MCC: variants seen among roughly 807,000 people sequenced by gnomAD.
MCC encodes the protein colorectal mutant cancer protein.
A neutral mutation model predicts 116.2 loss-of-function variants in MCC; 90 were observed. That is an observed-to-expected ratio of 0.77 (90% confidence interval 0.65 to 0.92). The LOEUF (loss-of-function observed/expected upper bound fraction) is 0.92, where lower values mean the gene tolerates loss of function less well. Among genes scored for constraint, MCC ranks in the 40% least tolerant of loss-of-function variants. The pLI is 0.00. For synonymous variants in MCC, 578 were observed against 510.5 expected (o/e 1.13, Z -1.78); for missense variants, 1,516 against 1,312.2 (o/e 1.16, Z -2.40).
At chr5:113,406,363 C>T (rs1350141350) in intron 1 of MCC, among the ~76,000 whole-genome samples, 1 of 152,182 alleles carries the variant, frequency 6.6e-6, no homozygotes, top group Non-Finnish European at 1.5e-5. Flanking sequence ...AAGGCAGTCA[C>T]AAATTCACTT....
intron 3 of MCC, among the ~76,000 whole-genome samples, chr5:113,244,764 A>G (rs982536219): frequency 6.6e-6 from 1 of 152,252 alleles, no homozygotes; most frequent in African/African-American, 2.4e-5. Context: ...GTGCTTCCCT[A>G]AAGTAATTAA....
chr5:113,484,585 A>C lies in MCC; in HGVS notation c.170+3660T>G, dbSNP rs563240593. ...AAGTTGTAAAGGGCACTTTGAAAGA[A>C]AGCAATCAGTACTATGATGGACAAT... On this transcript the variant is annotated intron_variant, in intron 1 of 18. Transcript: ENST00000408903. 3.9e-5 allele frequency among the ~76,000 whole-genome samples: 6 copies of C among 152,346 alleles called. No individual in the cohort carries two copies. In the East Asian group the frequency reaches 1.2e-3, roughly 29 times the overall value.
In MCC at chr5:113,023,044, A is replaced by G. The variant is rs774919753; in HGVS notation, c.*4258T>C. On this transcript the variant is annotated 3_prime_UTR_variant, in exon 19 of 19. Coordinates refer to ENST00000408903, the MANE Select transcript of MCC (RefSeq NM_001085377.2). ...ATGAACAGCTGCTATCAACTTGTATACTTTTTTTCCACTTGTTTATATTTT... is the reference window on the plus strand; with the variant it reads ...ATGAACAGCTGCTATCAACTTGTATGCTTTTTTTCCACTTGTTTATATTTT... 1 of 152,196 alleles carries G rather than the reference A, an allele frequency of 6.6e-6. No individual in the cohort carries two copies. The highest frequency in any genetic ancestry group is 6.5e-5 in the Admixed American group (1 of 15,282). The allele number at this position is 152,196 out of a possible 1,614,324, so 9.4% of individuals were successfully genotyped here. A position where few individuals can be genotyped will look rare whatever the true frequency, so the allele number is the denominator to read the frequency against.
intron 3 of MCC, among the ~76,000 whole-genome samples, chr5:113,323,920 G>C (rs1454769084): frequency 6.6e-6 from 1 of 152,208 alleles, no homozygotes; most frequent in African/African-American, 2.4e-5. Flanking sequence ...CACTTGGGCT[G>C]TAGTGTGGAA....
chr5:113,290,257 T>A (rs1455817763), intron 3 of MCC, among the ~76,000 whole-genome samples: 1 of 152,204 alleles, frequency 6.6e-6, no homozygotes. Flanking sequence ...ATGATTTGAA[T>A]GAAGATCTAA....
At chr5:113,119,110 G>A (rs192593078) in intron 6 of MCC, among the ~76,000 whole-genome samples, 1 of 152,344 alleles carries the variant, frequency 6.6e-6, no homozygotes, top group African/African-American at 2.4e-5. Context: ...TTGGGATGGG[G>A]TTCTTTCACT....
chr5:113,137,706 A>G lies in MCC; in HGVS notation c.884+5512T>C, dbSNP rs574945208. On this transcript the variant is annotated intron_variant, in intron 5 of 18. Transcript: ENST00000408903. ...TGTCTGCGTTTGGTATCAGGGTAACAGAAGCAACAACTTTTTAAGTGGATT... is the reference window on the plus strand; with the variant it reads ...TGTCTGCGTTTGGTATCAGGGTAACGGAAGCAACAACTTTTTAAGTGGATT... Among the ~76,000 whole-genome samples the G allele has an allele frequency of 7.2e-5, 11 of 152,284 alleles. 1 individual carries two copies. In the South Asian group the frequency reaches 2.3e-3, roughly 32 times the overall value.
At chr5:113,059,427 C>T (rs1363275093) in intron 14 of MCC, among the ~76,000 whole-genome samples, 1 of 152,186 alleles carries the variant, frequency 6.6e-6, no homozygotes, top group Non-Finnish European at 1.5e-5. Flanking sequence ...GACAAAGGCG[C>T]TGGCGGTCTC....
rs559361178 is a variant in MCC, at chr5:113,125,835, T to C, written c.885-3009A>G. Among the ~76,000 whole-genome samples, 34 of 152,308 alleles carry C rather than the reference T, an allele frequency of 2.2e-4. 1 individual carries two copies. The South Asian group carries it at 6.8e-3, about 31-fold the overall frequency. On this transcript the variant is annotated intron_variant, in intron 5 of 18. Coordinates refer to ENST00000408903, the MANE Select transcript of MCC (RefSeq NM_001085377.2). The stretch of plus-strand genomic sequence containing the variant: ...CTCAAGATGACTTCTGTTTGTTGTA[T>C]ATACAGGCATTCTTCTCAAGCAATA...
At chr5:113,040,642 C>T (rs1751642552) in intron 17 of MCC, among the ~76,000 whole-genome samples, 1 of 152,150 alleles carries the variant, frequency 6.6e-6, no homozygotes, top group Non-Finnish European at 1.5e-5. Context: ...CAAACCCAAA[C>T]TGCAGCCCTG....
chr5:113,037,944 C>T (rs1295886884), intron 17 of MCC, among the ~76,000 whole-genome samples: 1 of 152,246 alleles, frequency 6.6e-6, no homozygotes, highest in East Asian at 1.9e-4. Context: ...TGCCAAGGCA[C>T]TGAAGGTGCT....
chr5:113,279,895 T>C (rs1765970647), intron 3 of MCC, among the ~76,000 whole-genome samples: 1 of 152,264 alleles, frequency 6.6e-6, no homozygotes, highest in African/African-American at 2.4e-5. Flanking sequence ...AAGGGAATAC[T>C]TGCAAAATGA....
rs1763372250 is a variant in MCC at position 113,217,577 on chromosome 5, C to A, written c.628-66155G>T. 2.6e-5 allele frequency among the ~76,000 whole-genome samples: 4 copies of A among 152,070 alleles called. No homozygotes were observed. In the South Asian group the frequency reaches 8.3e-4, roughly 32 times the overall value. On this transcript the variant is annotated intron_variant, in intron 3 of 18. Transcript: ENST00000408903. ...CAGGGAGTAATACCAACACATTTAG[C>A]AAAAAGTAAAAAACAGATCCCACTC...
At chr5:113,295,892 C>A (rs1037652854) in intron 3 of MCC, among the ~76,000 whole-genome samples, 1 of 152,152 alleles carries the variant, frequency 6.6e-6, no homozygotes, top group Non-Finnish European at 1.5e-5. Context: ...GTCTCCATCC[C>A]CAATAACAGA....
chr5:113,479,408 T>C (rs750442840), intron 1 of MCC, among the ~76,000 whole-genome samples: 1 of 152,180 alleles, frequency 6.6e-6, no homozygotes, highest in Non-Finnish European at 1.5e-5. Flanking sequence ...GGTATATAAA[T>C]TTGTCAAAAC....
At chr5:113,333,970 C>A (rs1272898934) in intron 3 of MCC, among the ~76,000 whole-genome samples, 1 of 142,874 alleles carries the variant, frequency 7.0e-6, no homozygotes, top group African/African-American at 2.6e-5. Context: ...TTTTACTTTT[C>A]ATCAACTTTC....
intron 3 of MCC, among the ~76,000 whole-genome samples, chr5:113,260,988 T>A (rs1341844623): frequency 2.0e-5 from 3 of 152,116 alleles, no homozygotes; most frequent in African/African-American, 7.2e-5. Context: ...CAAAAAAGGA[T>A]TGTTAGGATA....
intron 5 of MCC, among the ~76,000 whole-genome samples, chr5:113,134,431 G>A (rs1758664274): frequency 6.6e-6 from 1 of 151,948 alleles, no homozygotes; most frequent in African/African-American, 2.4e-5. Flanking sequence ...TGCTCTATGT[G>A]TCTGCTTTTG....
At chr5:113,216,956 G>A (rs963768968) in intron 3 of MCC, among the ~76,000 whole-genome samples, 2 of 152,226 alleles carry the variant, frequency 1.3e-5, no homozygotes, top group African/African-American at 4.8e-5. Flanking sequence ...CCTTTGTCAA[G>A]CAATTTTGGT....
Sources: allele counts gnomAD v4.1 joint callset (sites outside exome capture counted in the v4.1 genomes callset), GRCh38; gene constraint gnomAD v4.1.1; transcripts MANE v1.5; gene names NCBI Gene and HGNC (gene_info 2026-07-23, HGNC 2026-07-21).